MDN1: variants seen among roughly 807,000 people sequenced by gnomAD.
MDN1 encodes the protein midasin AAA ATPase 1, also known as midasin.
MDN1 carries 266 observed loss-of-function variants against 669.2 expected under a neutral mutation model. That is an observed-to-expected ratio of 0.40 (90% CI 0.36 to 0.44). The LOEUF is 0.44. MDN1 is among the 20% of genes least tolerant of loss of function. The pLI is 1.00. For synonymous variants in MDN1, 2,385 were observed against 2,457.1 expected, an observed-to-expected ratio of 0.97 and a Z score of 0.87; for missense variants, 5,940 against 6,754.0, an observed-to-expected ratio of 0.88 and a Z score of 4.22.
intron 71 of MDN1, 128 bp downstream of exon 71, chr6:89,684,748 A>T (rs1811892033): frequency 1.7e-6 from 1 of 584,506 alleles, no homozygotes; most frequent in African/African-American, 1.9e-5. Flanking sequence ...CATCCTCCCT[A>T]GCGGTGGCAA....
In MDN1 at chr6:89,797,455, TGG is replaced by T; in HGVS notation, c.330-2656_330-2655del. 3.8e-5 allele frequency: 7 copies of T among 186,634 alleles called. No individual in the cohort carries two copies. In the South Asian group the frequency reaches 6.3e-4, roughly 17 times the overall value. 11.6% of individuals were successfully genotyped at this position (186,634 alleles called of 1,614,324 possible). On this transcript the variant is annotated intron_variant, in intron 2 of 101. Transcript: ENST00000369393. ...TGGACTGTAGCGGGTTCTGTTCTTGTGGTCGGCGGCTGTGTTGCTCTCTGATA... is the reference window on the plus strand; with the variant it reads ...TGGACTGTAGCGGGTTCTGTTCTTGTTCGGCGGCTGTGTTGCTCTCTGATA...
chr6:89,719,720 G>C (rs779895129), intron 40 of MDN1, among the ~76,000 whole-genome samples: 1 of 152,162 alleles, frequency 6.6e-6, no homozygotes, highest in African/African-American at 2.4e-5. Flanking sequence ...ATTTTATATA[G>C]ACAACAGCAC....
chr6:89,676,290 T>G, intron 76 of MDN1, 83 bp from the exon 77 acceptor site: 1 of 1,250,182 alleles, frequency 8.0e-7, no homozygotes, highest in South Asian at 1.2e-5. Flanking sequence ...ATTGGTATAT[T>G]TGGCCATAAC....
In MDN1 at chr6:89,781,402, A is replaced by G. The variant is rs200271578; in HGVS notation, c.1640T>C (p.Leu547Pro). ...RPTLEGRELSLRDLLNWCNRI... is the reference protein window; with the variant it reads ...RPTLEGRELSPRDLLNWCNRI... ...AAAAAACTGTTTAGTCCAGTACCTT[A>G]GAGATAATTCTCTTCCCTCAAGGGT... Residue 547 changes from leucine (L) to proline (P), a missense_variant, in exon 10 of 102, where the codon CTA becomes CCA. Around this residue, in one of 5 missense-constraint regions of MDN1, gnomAD observed 1,203 missense variants for 1,268.9 expected, o/e 0.95. Coordinates refer to ENST00000369393, the MANE Select transcript of MDN1 (RefSeq NM_014611.3). The G allele has an allele frequency of 5.7e-5, 92 of 1,611,762 alleles. No individual in the cohort carries two copies. Among genetic ancestry groups the G allele is most frequent in the Non-Finnish European group, 6.5e-5 (77 of 1,177,970 alleles).
In MDN1 at chr6:89,708,557, A is replaced by G; in HGVS notation, c.7837T>C (p.Phe2613Leu). The change falls in exon 51 of 102, where the codon TTT (phenylalanine) becomes CTT (leucine). Residue 2613 changes from phenylalanine to leucine, a missense_variant. Physicochemically the swap from Phe to Leu is conservative, Grantham distance 22 (BLOSUM62 0). This residue lies in a region of MDN1 where 2,292 missense variants were observed against 2,638.3 expected (regional missense o/e 0.87). Transcript: ENST00000369393. Reference protein sequence around the residue: ...ALDMIRNLMDFDPQTDQPDQL... With the variant: ...ALDMIRNLMDLDPQTDQPDQL... ...TCAGGCTGGTCCGTTTGTGGGTCAAAGTCCATCAAATTTCTAATCATGTCC... is the reference window on the plus strand; with the variant it reads ...TCAGGCTGGTCCGTTTGTGGGTCAAGGTCCATCAAATTTCTAATCATGTCC... 6.2e-7 allele frequency: 1 copy of G among 1,614,102 alleles called. No homozygotes were observed. The highest frequency in any genetic ancestry group is 1.1e-5 in the South Asian group (1 of 91,078).
intron 100 of MDN1, among the ~76,000 whole-genome samples, 193 bp downstream of exon 100, chr6:89,646,347 T>C (rs1261220077): frequency 6.6e-6 from 1 of 152,210 alleles, no homozygotes; most frequent in Non-Finnish European, 1.5e-5. Context: ...ATAAGCCTCA[T>C]GAGTACAGGT....
At chr6:89,743,005 C>A (rs1188699315) in intron 31 of MDN1, 145 bp downstream of exon 31, 1 of 939,746 alleles carries the variant, frequency 1.1e-6, no homozygotes, top group East Asian at 2.6e-5. Context: ...TCACCTGAGC[C>A]CAGAAGTTTG....
chr6:89,691,067 T>C (rs1032637716), intron 63 of MDN1, among the ~76,000 whole-genome samples: 3 of 152,182 alleles, frequency 2.0e-5, no homozygotes, highest in Admixed American at 6.5e-5. Context: ...CATTGTAATT[T>C]TGAAGGTGTA....
At chr6:89,735,190 T>C (rs7762262) in intron 33 of MDN1, among the ~76,000 whole-genome samples, 47,330 of 151,780 alleles carry the variant, frequency 0.31, 7,946 homozygotes, top group East Asian at 0.65. Context: ...ACCCGGCCAA[T>C]AGTTTGTTTT....
chr6:89,786,603 C>T lies in MDN1; in HGVS notation c.1334+1251G>A, dbSNP rs531412082. Among the ~76,000 whole-genome samples, 28 of 151,648 alleles carry T rather than the reference C, an allele frequency of 1.8e-4. No homozygotes were observed. The South Asian group carries it at 5.6e-3, about 31-fold the overall frequency. ...GCCTGGGTACAAAGCAAAACACTGT[C>T]TCTAAAAAATAAATAAATGTTTAAA... is the stretch of plus-strand genomic sequence containing the variant. On this transcript the variant is annotated intron_variant, in intron 8 of 101. Transcript: ENST00000369393.
In MDN1 at chr6:89,692,566, G is replaced by A; in HGVS notation, c.10464C>T (p.Gly3488=). ...GCTCCCGAGTGGGACAGGCTTTCTG[G>A]CCCTTGCCTTCCAGCTCCTTTCCTC... ...RSGGKELEGK[G]QKACPTREQL... is the part of the protein sequence containing the mutation. The change falls in exon 63 of 102, where the codon GGC becomes GGT. Residue 3488 remains glycine (G), a synonymous_variant. Transcript: ENST00000369393. 1 of 1,614,234 alleles carries A rather than the reference G, an allele frequency of 6.2e-7. No homozygotes were observed. Among genetic ancestry groups the A allele is most frequent in the South Asian group, 1.1e-5 (1 of 91,084 alleles).
rs867099906 is a variant in MDN1, at chr6:89,775,938, C to T, written c.1821+662G>A. Among the ~76,000 whole-genome samples the T allele has an allele frequency of 1.4e-4, 21 of 152,214 alleles. No individual in the cohort carries two copies. In the South Asian group the frequency reaches 2.1e-3, roughly 15 times the overall value. ...TCCCGACCTCAGGTGATCCACCCAC[C>T]TCTGCCTCCCAAAGTCCTGGGATTA... On this transcript the variant is annotated intron_variant, in intron 12 of 101. Coordinates refer to ENST00000369393, the MANE Select transcript of MDN1 (RefSeq NM_014611.3).
At chr6:89,672,057 TATAA>T in intron 82 of MDN1, 139 bp downstream of exon 82, 4 of 783,646 alleles carry the variant, frequency 5.1e-6, no homozygotes, top group Non-Finnish European at 5.6e-6. Flanking sequence ...ACTTTGCACG[TATAA>T]ATAAAGAGAC....
chr6:89,677,387 C>T (rs1376198626), intron 76 of MDN1, among the ~76,000 whole-genome samples, 183 bp downstream of exon 76: 1 of 152,180 alleles, frequency 6.6e-6, no homozygotes, highest in African/African-American at 2.4e-5. Flanking sequence ...AACCACTGCA[C>T]CCAGCCTCAC....
chr6:89,743,017 G>T, intron 31 of MDN1, 133 bp downstream of exon 31: 2 of 1,080,296 alleles, frequency 1.9e-6, no homozygotes, highest in South Asian at 1.7e-5. Context: ...AGAAGTTTGA[G>T]GCTACAGTGA....
At position 89,653,028 on chromosome 6, in the gene MDN1, A is replaced by G. The variant is rs774945734; in HGVS notation, c.15789T>C (p.His5263=). ...KPERSRESTI[H]TAHQFLMDTI... is the part of the protein sequence containing the mutation. The stretch of plus-strand genomic sequence containing the variant: ...TGTCCATGAGGAATTGATGAGCTGT[A>G]TGAATGGTAGACTCTCGGCTTCTTT... Residue 5263 remains histidine (H), a synonymous_variant, in exon 94 of 102, where the codon CAT becomes CAC. Transcript: ENST00000369393. 3.7e-6 allele frequency: 6 copies of G among 1,614,188 alleles called. No homozygotes were observed. In the East Asian group the frequency reaches 1.3e-4, roughly 36 times the overall value.
At chr6:89,669,388 T>A (rs1013563073) in intron 83 of MDN1, among the ~76,000 whole-genome samples, 19 of 152,170 alleles carry the variant, frequency 1.2e-4, no homozygotes, top group African/African-American at 2.9e-4. Context: ...ATTATTACTT[T>A]TTATTATTAT....
chr6:89,723,398 A>C (rs1173320704), intron 39 of MDN1, 114 bp downstream of exon 39: 3 of 748,712 alleles, frequency 4.0e-6, no homozygotes, highest in Non-Finnish European at 6.2e-6. Flanking sequence ...TGTAGAATTC[A>C]AAGTAATTTT....
chr6:89,782,607 T>A (rs1331471307), intron 9 of MDN1, among the ~76,000 whole-genome samples: 6 of 586 alleles, frequency 0.01, no homozygotes, highest in Non-Finnish European at 0.036. Context: ...CCTCAAAAAA[T>A]AATAATAATA....
Sources: gnomAD v4.1 joint callset for allele counts (sites outside exome capture counted in the v4.1 genomes callset) on GRCh38, gnomAD v4.1.1 for gene constraint, gnomAD v4.1.1 regional missense constraint, MANE v1.5 for transcripts, NCBI Gene and HGNC (gene_info 2026-07-23, HGNC 2026-07-21) for gene names.